The following GABRB2 variants were observed in gnomAD, a reference collection of about 807,000 sequenced individuals.
The protein encoded by GABRB2 is gamma-aminobutyric acid receptor subunit beta-2.
A neutral mutation model predicts 54.7 loss-of-function variants in GABRB2; 16 were observed. The observed-to-expected ratio is 0.29, with a 90% CI of 0.20 to 0.44. GABRB2 has a LOEUF of 0.44. GABRB2 is among the 20% of genes least tolerant of loss of function. The pLI, the probability that GABRB2 is intolerant of heterozygous loss-of-function variation, is 1.00. For synonymous variants in GABRB2, 244 were observed against 233.8 expected (o/e 1.04, Z -0.40); for missense variants, 355 against 644.0 (o/e 0.55, Z 4.86).
chr5:161,478,049 C>G (rs1380031669), intron 3 of GABRB2, among the ~76,000 whole-genome samples: 1 of 151,952 alleles, frequency 6.6e-6, no homozygotes, highest in African/African-American at 2.4e-5. Context: ...AGTTATTTAG[C>G]AAACTTTTCT....
At chr5:161,499,721 GATAAA>G (rs777190492) in intron 3 of GABRB2, among the ~76,000 whole-genome samples, 8 of 152,164 alleles carry the variant, frequency 5.3e-5, no homozygotes, top group Non-Finnish European at 8.8e-5. Flanking sequence ...GGATAGACTG[GATAAA>G]ATAAAAGCAT....
chr5:161,492,664 T>C (rs977493331), intron 3 of GABRB2, among the ~76,000 whole-genome samples: 16 of 151,620 alleles, frequency 1.1e-4, no homozygotes, highest in African/African-American at 3.9e-4. Flanking sequence ...TCATAAATTC[T>C]AATAATGAAG....
chr5:161,331,249 C>G lies in GABRB2; in HGVS notation c.833-122G>C. ...TATATGCCACAATCTATTTATTGGG[C>G]CTTTACTATTGCATGCCAGCCCTAG... On this transcript the variant is annotated intron_variant, in intron 7 of 9. Transcript: ENST00000393959. The G allele has an allele frequency of 3.4e-6, 4 of 1,176,596 alleles. No homozygotes were observed. The South Asian group carries it at 5.7e-5, about 17-fold the overall frequency. 72.9% of individuals were successfully genotyped at this position (1,176,596 alleles called of 1,614,324 possible).
chr5:161,444,817 T>C (rs1282331829), intron 4 of GABRB2, among the ~76,000 whole-genome samples: 1 of 152,184 alleles, frequency 6.6e-6, no homozygotes, highest in African/African-American at 2.4e-5. Flanking sequence ...AATTGGGTTT[T>C]AAATAATATC....
intron 3 of GABRB2, among the ~76,000 whole-genome samples, chr5:161,507,754 C>T (rs1472321342): frequency 1.3e-5 from 2 of 151,982 alleles, no homozygotes; most frequent in African/African-American, 2.4e-5. Context: ...TGAAAAATTG[C>T]TCAACAGCAT....
At chr5:161,509,587 A>G (rs1191148162) in intron 3 of GABRB2, among the ~76,000 whole-genome samples, 1 of 151,974 alleles carries the variant, frequency 6.6e-6, no homozygotes, top group Admixed American at 6.6e-5. Flanking sequence ...ACTCTATCGT[A>G]TCATTTATTT....
chr5:161,355,245 C>CA, intron 5 of GABRB2, among the ~76,000 whole-genome samples: 1 of 149,976 alleles, frequency 6.7e-6, no homozygotes. Context: ...TCCTAGAGGG[C>CA]AAAAATGTGT....
At position 161,470,071 on chromosome 5, in the gene GABRB2, GTT is replaced by G. The variant is rs34680755; in HGVS notation, c.238-10229_238-10228del. 4.7e-5 allele frequency among the ~76,000 whole-genome samples: 7 copies of G among 147,966 alleles called. No homozygotes were observed. The East Asian group carries it at 1.2e-3, about 25-fold the overall frequency. On this transcript the variant is annotated intron_variant, in intron 3 of 9. Transcript: ENST00000393959. ...TGATACATCTTTTCTTTCCTTTCAT[GTT>G]TTTTTTTTAATCATGGAGAATTGCT...
chr5:161,393,921 T>A (rs544460580), intron 5 of GABRB2, among the ~76,000 whole-genome samples: 1 of 152,204 alleles, frequency 6.6e-6, no homozygotes, highest in Non-Finnish European at 1.5e-5. Context: ...TTTAGAACAG[T>A]ATTAATAACC....
intron 3 of GABRB2, among the ~76,000 whole-genome samples, chr5:161,494,434 T>C (rs73303264): frequency 0.055 from 8,397 of 151,798 alleles, 693 homozygotes; most frequent in African/African-American, 0.18. Context: ...ATGTAAATCA[T>C]GGTTGTTTTA....
intron 3 of GABRB2, among the ~76,000 whole-genome samples, chr5:161,469,948 TA>T (rs560724300): frequency 2.6e-5 from 4 of 152,118 alleles, no homozygotes; most frequent in South Asian, 2.1e-4. Flanking sequence ...GATCCCTGTT[TA>T]AGAGTTTCAG....
At chr5:161,476,614 T>C (rs934018108) in intron 3 of GABRB2, among the ~76,000 whole-genome samples, 6 of 151,728 alleles carry the variant, frequency 4.0e-5, no homozygotes, top group Non-Finnish European at 5.9e-5. Context: ...TGGAATAGAA[T>C]AGAAAATCCA....
At chr5:161,501,274 A>G (rs1486614460) in intron 3 of GABRB2, among the ~76,000 whole-genome samples, 3 of 150,694 alleles carry the variant, frequency 2.0e-5, no homozygotes, top group Non-Finnish European at 4.5e-5. Flanking sequence ...TTTAAAAAAT[A>G]TGCTTTGTGA....
intron 4 of GABRB2, among the ~76,000 whole-genome samples, chr5:161,445,284 A>T (rs1757585435): frequency 6.6e-6 from 1 of 152,164 alleles, no homozygotes; most frequent in Non-Finnish European, 1.5e-5. Context: ...GTTCAGGGTA[A>T]AGTAGTTGGC....
chr5:161,445,056 G>A (rs3923156), intron 4 of GABRB2, among the ~76,000 whole-genome samples: 14,029 of 152,134 alleles, frequency 0.092, 795 homozygotes, highest in East Asian at 0.17. Flanking sequence ...TCATTCATGC[G>A]TACATATATT....
intron 4 of GABRB2, among the ~76,000 whole-genome samples, chr5:161,422,846 G>C (rs1177012938): frequency 1.3e-5 from 2 of 152,124 alleles, no homozygotes; most frequent in Non-Finnish European, 2.9e-5. Flanking sequence ...AACTGCATGT[G>C]CCATTTAAAT....
intron 3 of GABRB2, among the ~76,000 whole-genome samples, chr5:161,470,070 T>C (rs1056052342): frequency 7.7e-5 from 11 of 143,154 alleles, no homozygotes; most frequent in African/African-American, 3.1e-4. Flanking sequence ...TTTCCTTTCA[T>C]GTTTTTTTTT....
At chr5:161,440,608 A>G (rs918263140) in intron 4 of GABRB2, among the ~76,000 whole-genome samples, 20 of 152,322 alleles carry the variant, frequency 1.3e-4, no homozygotes, top group African/African-American at 4.1e-4. Context: ...AGAAGCAAAC[A>G]GAGATATAGG....
At chr5:161,521,705 C>T (rs1028033250) in intron 3 of GABRB2, among the ~76,000 whole-genome samples, 4 of 151,734 alleles carry the variant, frequency 2.6e-5, no homozygotes, top group African/African-American at 9.7e-5. Flanking sequence ...TCAGGAAACG[C>T]CACTGGTAAA....
Sources: gnomAD v4.1 joint callset for allele counts (sites outside exome capture counted in the v4.1 genomes callset) on GRCh38, gnomAD v4.1.1 for gene constraint, MANE v1.5 for transcripts, NCBI Gene and HGNC (gene_info 2026-07-23, HGNC 2026-07-21) for gene names.